The following SFMBT2 variants were observed in gnomAD, a reference collection of about 807,000 sequenced individuals.
SFMBT2 encodes the protein scm-like with four MBT domains protein 2.
In SFMBT2, 38 loss-of-function variants were observed where a neutral mutation model predicts 110.1. The observed-to-expected ratio is 0.35, with a 90% CI of 0.27 to 0.45. SFMBT2 has a LOEUF of 0.45. Ranked by LOEUF, SFMBT2 falls within the 20% of genes least tolerant of loss-of-function variation. SFMBT2 has a pLI of 1.00. For missense variants in SFMBT2, 1,011 were observed against 1,094.9 expected, an observed-to-expected ratio of 0.92 and a Z score of 1.08; for synonymous variants, 425 against 425.4, an observed-to-expected ratio of 1.00 and a Z score of 0.01.
chr10:7,196,794 G>A (rs1382134071), intron 15 of SFMBT2, among the ~76,000 whole-genome samples: 2 of 152,330 alleles, frequency 1.3e-5, no homozygotes, highest in Admixed American at 6.5e-5. Flanking sequence ...TAAGAAAAGA[G>A]CAGAGATAGA....
intron 4 of SFMBT2, among the ~76,000 whole-genome samples, chr10:7,311,346 A>G (rs1842852416): frequency 6.6e-6 from 1 of 152,244 alleles, no homozygotes; most frequent in Non-Finnish European, 1.5e-5. Flanking sequence ...GTGACATTTC[A>G]ACAGCTATAC....
chr10:7,271,861 G>C (rs1050506205), intron 7 of SFMBT2, among the ~76,000 whole-genome samples: 2 of 152,118 alleles, frequency 1.3e-5, no homozygotes, highest in Non-Finnish European at 2.9e-5. Flanking sequence ...GATCTCGTGA[G>C]ACTTATTCAC....
chr10:7,215,589 G>A, intron 11 of SFMBT2: 7 of 985,384 alleles, frequency 7.1e-6, no homozygotes, highest in Non-Finnish European at 8.4e-6. Flanking sequence ...CCCTCCCTAG[G>A]CAATCAGAAC....
chr10:7,262,072 T>C (rs1841223548), intron 7 of SFMBT2, among the ~76,000 whole-genome samples: 1 of 152,206 alleles, frequency 6.6e-6, no homozygotes, highest in African/African-American at 2.4e-5. Context: ...GGGGTCCTCA[T>C]TTTCCATTAG....
intron 4 of SFMBT2, among the ~76,000 whole-genome samples, chr10:7,298,066 G>A (rs1361291251): frequency 2.0e-5 from 3 of 152,186 alleles, no homozygotes; most frequent in Admixed American, 1.3e-4. Context: ...TTGGCTGCTC[G>A]CCCAGCACCC....
chr10:7,159,598 A>T lies in SFMBT2; in HGVS notation c.*4172T>A, dbSNP rs369616208. 6.6e-6 allele frequency: 1 copy of T among 152,272 alleles called. No homozygotes were observed. The highest frequency in any genetic ancestry group is 2.4e-5 in the African/African-American group (1 of 41,544). 9.4% of individuals were successfully genotyped at this position (152,272 alleles called of 1,614,324 possible). Reference sequence around the variant, plus strand: ...TCTTGCCAACAATTTCTTCCTTAACAACTACAGGTTTCTTAATTGACTATG... The same window carrying T: ...TCTTGCCAACAATTTCTTCCTTAACTACTACAGGTTTCTTAATTGACTATG... On this transcript the variant is annotated 3_prime_UTR_variant, in exon 21 of 21. Transcript: ENST00000397167.
chr10:7,410,530 A>G (rs1846344913), intron 1 of SFMBT2, among the ~76,000 whole-genome samples: 1 of 152,174 alleles, frequency 6.6e-6, no homozygotes, highest in Non-Finnish European at 1.5e-5. Flanking sequence ...GGACTCCCGC[A>G]CGGCTCGGCT....
chr10:7,353,267 G>C (rs1044274610), intron 4 of SFMBT2, among the ~76,000 whole-genome samples: 1 of 152,124 alleles, frequency 6.6e-6, no homozygotes, highest in Admixed American at 6.5e-5. Flanking sequence ...TATGTCAACA[G>C]TAATGTGGTG....
At chr10:7,307,905 C>A (rs1460345366) in intron 4 of SFMBT2, among the ~76,000 whole-genome samples, 2 of 152,148 alleles carry the variant, frequency 1.3e-5, no homozygotes, top group African/African-American at 4.8e-5. Context: ...GCAAGAATTT[C>A]TGCTATAATA....
chr10:7,243,896 G>T (rs1840521997), intron 8 of SFMBT2, 191 bp from the exon 9 acceptor site: 2 of 213,888 alleles, frequency 9.4e-6, no homozygotes, highest in African/African-American at 2.3e-5. Flanking sequence ...GACTGCTGTG[G>T]TCCTATTAAT....
At chr10:7,374,879 A>C (rs2132065988) in intron 2 of SFMBT2, among the ~76,000 whole-genome samples, 1 of 152,354 alleles carries the variant, frequency 6.6e-6, no homozygotes, top group Admixed American at 6.5e-5. Context: ...TATGTGCCCC[A>C]AGGAGCTGAT....
In SFMBT2 at chr10:7,172,518, C is replaced by A. The variant is rs768660021; in HGVS notation, c.2128G>T (p.Asp710Tyr). Reference sequence around the variant, plus strand: ...ACCTCCCCCGAGCCCGCGGTGAAGTCCACGGCAGAAGACCTCCGTTTCTTC... The same window carrying A: ...ACCTCCCCCGAGCCCGCGGTGAAGTACACGGCAGAAGACCTCCGTTTCTTC... ...VQKKRRSSAV[D>Y]FTAGSGEESE... The change falls in exon 18 of 21, where the codon GAC (aspartate) becomes TAC (tyrosine). Residue 710 changes from aspartate to tyrosine, a missense_variant. Transcript: ENST00000397167. The surrounding 1 kb of genome is among the most constrained non-coding windows in gnomAD (Gnocchi z 4.6). The A allele has an allele frequency of 1.2e-6, 2 of 1,614,038 alleles. No homozygotes were observed. The highest frequency in any genetic ancestry group is 2.7e-5 in the African/African-American group (2 of 74,948).
chr10:7,171,104 C>T lies in SFMBT2; in HGVS notation c.2416-48G>A. On this transcript the variant is annotated intron_variant, in intron 19 of 20. Coordinates refer to ENST00000397167, the MANE Select transcript of SFMBT2 (RefSeq NM_001387889.1). The surrounding 1 kb of genome is among the most constrained non-coding windows in gnomAD (Gnocchi z 4.9). ...GCTCAGCTGCGGCACAGTCAGCTGG[C>T]TGGGTCCTCTCCAGCACTCTCCAGG... 6.2e-7 allele frequency: 1 copy of T among 1,612,560 alleles called. No individual in the cohort carries two copies. Among genetic ancestry groups the T allele is most frequent in the African/African-American group, 1.3e-5 (1 of 75,046 alleles).
chr10:7,277,064 T>A, intron 6 of SFMBT2, 75 bp from the exon 7 acceptor site: 1 of 774,790 alleles, frequency 1.3e-6, no homozygotes, highest in South Asian at 1.4e-5. Context: ...TGCATGCTAA[T>A]TCCCAGGCTT....
chr10:7,336,329 CTAG>C (rs1450522758), intron 4 of SFMBT2, among the ~76,000 whole-genome samples: 1 of 152,194 alleles, frequency 6.6e-6, no homozygotes, highest in Non-Finnish European at 1.5e-5. Context: ...CGCAAAATTT[CTAG>C]ACTGGCTTGC....
chr10:7,184,705 A>C (rs1335700583), intron 16 of SFMBT2, among the ~76,000 whole-genome samples: 1 of 152,082 alleles, frequency 6.6e-6, no homozygotes, highest in Non-Finnish European at 1.5e-5. Flanking sequence ...TCACCCTCAG[A>C]ATCACCCTTA....
intron 2 of SFMBT2, among the ~76,000 whole-genome samples, chr10:7,379,478 T>C (rs151033149): frequency 2.4e-3 from 365 of 152,322 alleles, no homozygotes; most frequent in African/African-American, 8.5e-3. Flanking sequence ...AAAACTAGAT[T>C]TGAGTTTCTC....
chr10:7,285,832 A>C, intron 5 of SFMBT2, 34 bp downstream of exon 5: 3 of 864,214 alleles, frequency 3.5e-6, no homozygotes, highest in South Asian at 1.3e-5. Flanking sequence ...GGGGTGCTTC[A>C]GAGATACATT....
intron 7 of SFMBT2, among the ~76,000 whole-genome samples, chr10:7,276,569 G>A (rs1238571038): frequency 2.0e-5 from 3 of 152,156 alleles, no homozygotes; most frequent in Non-Finnish European, 4.4e-5. Flanking sequence ...TCACTCTGTT[G>A]CCAGGCTGGA....
Sources: allele counts gnomAD v4.1 joint callset (sites outside exome capture counted in the v4.1 genomes callset), GRCh38; gene constraint gnomAD v4.1.1; non-coding constraint Gnocchi (gnomAD v3.1); transcripts MANE v1.5; gene names NCBI Gene and HGNC (gene_info 2026-07-23, HGNC 2026-07-21).